Variants in GNAS observed in about 807,000 individuals in gnomAD.
The protein encoded by GNAS is GNAS complex locus.
In GNAS, 8 loss-of-function variants were observed where a neutral mutation model predicts 54.5. The ratio of observed to expected loss-of-function variants is 0.15; its 90% CI spans 0.09 to 0.26. The LOEUF (loss-of-function observed/expected upper bound fraction) is 0.26. GNAS is among the 10% of genes least tolerant of loss of function. The pLI is 1.00. For synonymous variants in GNAS, 204 were observed against 191.4 expected (o/e 1.07, Z -0.54); for missense variants, 170 against 529.8 (o/e 0.32, Z 6.67).
chr20:58,854,613 C>T, intron 1 of GNAS: 1 of 1,539,376 alleles, frequency 6.5e-7, no homozygotes, highest in Non-Finnish European at 8.7e-7. Context: ...CCCTGACGCC[C>T]CAGCCGATCC....
intron 4 of GNAS, 37 bp from the exon 5 acceptor site, chr20:58,903,635 G>C (rs746959226): frequency 2.5e-5 from 40 of 1,614,010 alleles, no homozygotes; most frequent in Non-Finnish European, 3.1e-5. Flanking sequence ...CTCCCAGCCA[G>C]TGCTGTTCCC....
chr20:58,889,061 G>A, upstream of GNAS: 1 of 1,014,240 alleles, frequency 9.9e-7, no homozygotes, highest in Non-Finnish European at 1.2e-6. Flanking sequence ...GTCCCCGGTG[G>A]GCCGATTTTT....
rs565406526 is a variant in GNAS at position 58,877,395 on chromosome 20, C to T, written c.44-18217C>T. ...GATGGCCCAAAGGAGCCACCTGCTA[C>T]ATGCTAGCTTCCCCCTTTCCTTCCG... On this transcript the variant is annotated intron_variant, in intron 1 of 12. Transcript: ENST00000306090. Among the ~76,000 whole-genome samples, 122 of 152,330 alleles carry T rather than the reference C, an allele frequency of 8.0e-4. 1 individual carries two copies. In the Middle Eastern group the frequency reaches 0.01, roughly 13 times the overall value.
At position 58,841,722 on chromosome 20, in the gene GNAS, C is replaced by G; in HGVS notation, c.43+836C>G. On this transcript the variant is annotated intron_variant, in intron 1 of 12. Coordinates refer to the GNAS transcript ENST00000306090. This position sits in a 1 kb window ranked among gnomAD's most constrained non-coding sequence, Gnocchi z 5.0. ...CCTTGGGGATGCCCCTACGGGCTACCAGGGTTGAACGCACAGGCATGGTCA... is the reference window on the plus strand; with the variant it reads ...CCTTGGGGATGCCCCTACGGGCTACGAGGGTTGAACGCACAGGCATGGTCA... The G allele has an allele frequency of 8.2e-7, 1 of 1,222,178 alleles. No individual in the cohort carries two copies. Among genetic ancestry groups the G allele is most frequent in the East Asian group, 3.2e-5 (1 of 31,108 alleles). The allele number at this position is 1,222,178 out of a possible 1,614,324, so 75.7% of individuals were successfully genotyped here. A position where few individuals can be genotyped will look rare whatever the true frequency, so the allele number is the denominator to read the frequency against.
At chr20:58,890,711 C>T (rs527298930), upstream of GNAS, 33 of 152,090 alleles carry the variant, frequency 2.2e-4, no homozygotes, top group African/African-American at 7.9e-4. Flanking sequence ...GCGCCCGGCG[C>T]CGGGGGCGCG....
At position 58,909,828 on chromosome 20, in the gene GNAS, C is replaced by G. The variant is rs201151879; in HGVS notation, c.839+24C>G. 4.6e-5 allele frequency: 74 copies of G among 1,612,904 alleles called. 1 individual carries two copies. The East Asian group carries it at 1.2e-3, about 26-fold the overall frequency. ...AGGTTTGTGGAGTGACCGCCCACCCCCTGCGCTTGCCCAGGAGGCCCTGGT... is the reference window on the plus strand; with the variant it reads ...AGGTTTGTGGAGTGACCGCCCACCCGCTGCGCTTGCCCAGGAGGCCCTGGT... On this transcript the variant is annotated intron_variant, in intron 10 of 12. Coordinates refer to ENST00000371085, the MANE Select transcript of GNAS (RefSeq NM_000516.7). The surrounding 1 kb of genome is among the most constrained non-coding windows in gnomAD (Gnocchi z 7.3).
intron 1 of GNAS, among the ~76,000 whole-genome samples, chr20:58,871,297 A>G (rs1464095583): frequency 6.6e-6 from 1 of 152,210 alleles, no homozygotes; most frequent in Non-Finnish European, 1.5e-5. Context: ...TGCAAACGGA[A>G]GGAAAGAAGT....
At position 58,853,409 on chromosome 20, in the gene GNAS, G is replaced by T. The variant is rs1225214298; in HGVS notation, c.43+12523G>T. The T allele has an allele frequency of 1.9e-6, 3 of 1,582,770 alleles. No individual in the cohort carries two copies. Among genetic ancestry groups the T allele is most frequent in the Non-Finnish European group, 2.6e-6 (3 of 1,165,046 alleles). On this transcript the variant is annotated intron_variant, in intron 1 of 12. Coordinates refer to the GNAS transcript ENST00000306090. The surrounding 1 kb of genome is among the most constrained non-coding windows in gnomAD (Gnocchi z 4.4). ...GTGCTGGGCCTAGCCCAGCCGAAGAGATGGAGACCGAACCGCCTCACAACG... is the reference window on the plus strand; with the variant it reads ...GTGCTGGGCCTAGCCCAGCCGAAGATATGGAGACCGAACCGCCTCACAACG...
intron 1 of GNAS, chr20:58,855,421 C>T (rs909845280): frequency 4.9e-6 from 6 of 1,218,266 alleles, no homozygotes; most frequent in Middle Eastern, 2.1e-4. Context: ...GCTAGGGGCT[C>T]CGCAGTGGGA....
chr20:58,891,063 G>A (rs2089193838), upstream of GNAS, among the ~76,000 whole-genome samples: 1 of 150,536 alleles, frequency 6.6e-6, no homozygotes, highest in African/African-American at 2.4e-5. Flanking sequence ...CGTGCGAGGG[G>A]TCGTCACTGG....
At chr20:58,884,232 G>A (rs1216816307) in intron 1 of GNAS, among the ~76,000 whole-genome samples, 6 of 152,232 alleles carry the variant, frequency 3.9e-5, no homozygotes, top group Admixed American at 2.0e-4. Context: ...TTTAGCAGTC[G>A]TTTCATTTGT....
chr20:58,910,963 G>T lies in GNAS; in HGVS notation c.*134G>T. On this transcript the variant is annotated 3_prime_UTR_variant, in exon 13 of 13. Coordinates refer to ENST00000371085, the MANE Select transcript of GNAS (RefSeq NM_000516.7). The surrounding 1 kb of genome is among the most constrained non-coding windows in gnomAD (Gnocchi z 5.8). ...CCTTTCCCTTCCCCCGAGTGATTTT[G>T]CGAAACCCCCTTTTCCCTTCAGCTT... 1 of 892,174 alleles carries T rather than the reference G, an allele frequency of 1.1e-6. No homozygotes were observed. Among genetic ancestry groups the T allele is most frequent in the South Asian group, 1.4e-5 (1 of 71,194 alleles). 55.3% of individuals were successfully genotyped at this position (892,174 alleles called of 1,614,324 possible). A position where few individuals can be genotyped will look rare whatever the true frequency, so the allele number is the denominator to read the frequency against.
chr20:58,864,815 G>A (rs933713476), intron 1 of GNAS, among the ~76,000 whole-genome samples: 3 of 152,034 alleles, frequency 2.0e-5, no homozygotes, highest in African/African-American at 7.2e-5. Flanking sequence ...AGCATTTTGG[G>A]GGGCTCAGTC....
chr20:58,849,460 T>A (rs935599687), intron 1 of GNAS, among the ~76,000 whole-genome samples: 1 of 152,268 alleles, frequency 6.6e-6, no homozygotes, highest in African/African-American at 2.4e-5. Flanking sequence ...TTCATCTTTG[T>A]AAGTACGATT....
intron 2 of GNAS, chr20:58,897,458 G>A (rs968549022): frequency 6.6e-6 from 1 of 152,186 alleles, no homozygotes; most frequent in African/African-American, 2.4e-5. Flanking sequence ...AACTGGACAT[G>A]GCTAGCATTT....
chr20:58,903,289 A>T (rs1056660022), intron 3 of GNAS: 3 of 608,236 alleles, frequency 4.9e-6, no homozygotes, highest in African/African-American at 3.7e-5. Context: ...CTTCTGGTAC[A>T]GTCATGATTG....
At chr20:58,845,340 CCT>C (rs1340442405) in intron 1 of GNAS, among the ~76,000 whole-genome samples, 2 of 152,120 alleles carry the variant, frequency 1.3e-5, no homozygotes, top group African/African-American at 2.4e-5. Flanking sequence ...TGATCACTCC[CCT>C]CTTCGCTTCT....
chr20:58,895,545 G>C, intron 1 of GNAS, 67 bp from the exon 2 acceptor site: 1 of 937,674 alleles, frequency 1.1e-6, no homozygotes, highest in Non-Finnish European at 1.8e-6. Context: ...AACAACAACA[G>C]CAGACCTCCC....
chr20:58,883,497 A>AT (rs1342656357), intron 1 of GNAS, among the ~76,000 whole-genome samples: 1 of 152,076 alleles, frequency 6.6e-6, no homozygotes, highest in African/African-American at 2.4e-5. Context: ...TTTTCATCTG[A>AT]TCCCCAGACT....
Sources: allele counts gnomAD v4.1 joint callset (sites outside exome capture counted in the v4.1 genomes callset), GRCh38; gene constraint gnomAD v4.1.1; non-coding constraint Gnocchi (gnomAD v3.1); transcripts MANE v1.5; gene names NCBI Gene and HGNC (gene_info 2026-07-23, HGNC 2026-07-21).